CRYL1: variants seen among roughly 807,000 people sequenced by gnomAD.
CRYL1 encodes crystallin lambda 1, also known as lambda-crystallin homolog.
In CRYL1, 29 loss-of-function variants were observed where a neutral mutation model predicts 36.6. The observed-to-expected ratio is 0.79, with a 90% CI of 0.59 to 1.08. CRYL1 has a LOEUF of 1.08. CRYL1 is among the 50% of genes least tolerant of loss of function. CRYL1 has a pLI of 0.00. For missense variants in CRYL1, 411 were observed against 407.9 expected (o/e 1.01, Z -0.06); for synonymous variants, 152 against 151.5 (o/e 1.00, Z -0.02).
intron 3 of CRYL1, among the ~76,000 whole-genome samples, chr13:20,465,365 C>T (rs748858801): frequency 1.4e-4 from 22 of 152,150 alleles, no homozygotes; most frequent in Non-Finnish European, 3.2e-4. Context: ...CTCTGCACAT[C>T]AGAGAAACAA....
chr13:20,463,148 C>A (rs1593461793), intron 3 of CRYL1, among the ~76,000 whole-genome samples: 1 of 152,194 alleles, frequency 6.6e-6, no homozygotes, highest in East Asian at 1.9e-4. Flanking sequence ...CAGAGGAGAC[C>A]TGCGTGTCGC....
intron 4 of CRYL1, among the ~76,000 whole-genome samples, chr13:20,433,004 C>A (rs1390127569): frequency 1.3e-5 from 2 of 152,100 alleles, no homozygotes; most frequent in African/African-American, 4.8e-5. Context: ...GGTGACAGTG[C>A]CAGATCATCT....
At chr13:20,441,600 C>T (rs1439501582) in intron 3 of CRYL1, among the ~76,000 whole-genome samples, 2 of 152,168 alleles carry the variant, frequency 1.3e-5, no homozygotes, top group African/African-American at 4.8e-5. Context: ...GTCATGAATA[C>T]AGTATAAACA....
chr13:20,518,931 G>C (rs1337394432), intron 1 of CRYL1, among the ~76,000 whole-genome samples: 1 of 152,208 alleles, frequency 6.6e-6, no homozygotes, highest in Non-Finnish European at 1.5e-5. Context: ...AACTCTGCTG[G>C]GAAAGACTAG....
At chr13:20,422,496 C>T (rs1411029519) in intron 5 of CRYL1, among the ~76,000 whole-genome samples, 1 of 152,084 alleles carries the variant, frequency 6.6e-6, no homozygotes, top group African/African-American at 2.4e-5. Flanking sequence ...GAAATCATTA[C>T]AAGGTACAAA....
chr13:20,477,879 TATA>T (rs2033196588), intron 3 of CRYL1, among the ~76,000 whole-genome samples: 1 of 58,164 alleles, frequency 1.7e-5, no homozygotes, highest in East Asian at 5.8e-4. Flanking sequence ...TATGATAATA[TATA>T]ATACTATACT....
chr13:20,483,703 C>G (rs988877239), intron 3 of CRYL1, among the ~76,000 whole-genome samples: 3 of 152,058 alleles, frequency 2.0e-5, no homozygotes, highest in Non-Finnish European at 4.4e-5. Context: ...CCATGCCATG[C>G]TAATTTTTTG....
rs1477403458 is a variant in CRYL1 at position 20,427,015 on chromosome 13, G to A, written c.633+5087C>T. ...CCAGCAGGCTGAGAACCTGCCGAGG[G>A]TTGCAGATTCATTCCCAGGCACCTC... On this transcript the variant is annotated intron_variant, in intron 5 of 7. Coordinates refer to ENST00000298248, the MANE Select transcript of CRYL1 (RefSeq NM_015974.3). The A allele has an allele frequency of 5.1e-6, 5 of 985,402 alleles. No homozygotes were observed. The African/African-American group carries it at 7.0e-5, about 14-fold the overall frequency. 61.0% of individuals were successfully genotyped at this position (985,402 alleles called of 1,614,324 possible). A position where few individuals can be genotyped will look rare whatever the true frequency, so the allele number is the denominator to read the frequency against.
intron 3 of CRYL1, among the ~76,000 whole-genome samples, chr13:20,484,699 A>T (rs2033360506): frequency 6.6e-6 from 1 of 152,202 alleles, no homozygotes. Flanking sequence ...AATAAAAACC[A>T]TGATGCAAAA....
Position 20,413,345 on chromosome 13 carries a change from C to T in CRYL1, c.676G>A (p.Glu226Lys). 1.2e-6 allele frequency: 2 copies of T among 1,613,840 alleles called. No individual in the cohort carries two copies. Among genetic ancestry groups the T allele is most frequent in the Non-Finnish European group, 1.7e-6 (2 of 1,179,884 alleles). ...SPSDLDLVMSEGLGMRYAFIG... is the reference protein window; with the variant it reads ...SPSDLDLVMSKGLGMRYAFIG... ...AATGCATACCGCATGCCCAACCCTT[C>T]TGACATGACAAGGTCCAGGTCACTA... The change falls in exon 6 of 8, where the codon GAA becomes AAA. Residue 226 changes from glutamate to lysine, a missense_variant. Coordinates refer to ENST00000298248, the MANE Select transcript of CRYL1 (RefSeq NM_015974.3).
chr13:20,492,064 G>A (rs1293444198), intron 2 of CRYL1, among the ~76,000 whole-genome samples: 1 of 152,168 alleles, frequency 6.6e-6, no homozygotes, highest in Admixed American at 6.5e-5. Flanking sequence ...AAAAGGAAAC[G>A]CAGACATTCA....
At chr13:20,496,957 A>T (rs1371322551) in intron 2 of CRYL1, among the ~76,000 whole-genome samples, 2 of 152,078 alleles carry the variant, frequency 1.3e-5, no homozygotes, top group African/African-American at 4.8e-5. Context: ...GTAGTCAGGT[A>T]AATGATTGAA....
intron 3 of CRYL1, among the ~76,000 whole-genome samples, chr13:20,472,767 C>G (rs149294131): frequency 2.6e-5 from 4 of 152,296 alleles, no homozygotes; most frequent in African/African-American, 9.6e-5. Flanking sequence ...TCGCTCTGCT[C>G]GAACACCTTC....
intron 2 of CRYL1, among the ~76,000 whole-genome samples, chr13:20,502,223 T>C (rs1460229631): frequency 2.6e-5 from 4 of 152,066 alleles, no homozygotes; most frequent in African/African-American, 9.7e-5. Flanking sequence ...GTGAGGCATG[T>C]GAACTTAAAT....
chr13:20,435,302 G>GGCT lies in CRYL1; in HGVS notation c.439-3009_439-3007dup, dbSNP rs2137395873. ...CCTTCTCCAACGAAAAATCTTGAAG[G>GGCT]GCTGCCCAGCGCCCACTGTACAAGG... On this transcript the variant is annotated intron_variant, in intron 4 of 7. Coordinates refer to ENST00000298248, the MANE Select transcript of CRYL1 (RefSeq NM_015974.3). This position sits in a 1 kb window ranked among gnomAD's most constrained non-coding sequence, Gnocchi z 4.0. Among the ~76,000 whole-genome samples, 1 of 152,248 alleles carries GGCT rather than the reference G, an allele frequency of 6.6e-6. No individual in the cohort carries two copies. The highest frequency in any genetic ancestry group is 2.4e-5 in the African/African-American group (1 of 41,540).
At chr13:20,470,910 C>CAAAAAAAAAAAAAAAAAAAA (rs11353451) in intron 3 of CRYL1, among the ~76,000 whole-genome samples, 8 of 40,894 alleles carry the variant, frequency 2.0e-4, no homozygotes, top group African/African-American at 7.0e-4. Context: ...AACTCCATCT[C>CAAAAAAAAAAAAAAAAAAAA]AAAAAAAAAA....
At chr13:20,448,089 C>T (rs1403749708) in intron 3 of CRYL1, among the ~76,000 whole-genome samples, 3 of 152,056 alleles carry the variant, frequency 2.0e-5, no homozygotes, top group South Asian at 2.1e-4. Flanking sequence ...CATGCAACAT[C>T]GTATGGGTAA....
intron 2 of CRYL1, among the ~76,000 whole-genome samples, chr13:20,491,537 T>C (rs542403412): frequency 1.3e-5 from 2 of 152,300 alleles, no homozygotes; most frequent in East Asian, 3.9e-4. Context: ...ACGCCTGTAA[T>C]TCCAGCACTT....
At chr13:20,479,118 T>G (rs550962739) in intron 3 of CRYL1, among the ~76,000 whole-genome samples, 39 of 152,206 alleles carry the variant, frequency 2.6e-4, no homozygotes, top group Middle Eastern at 3.4e-3. Flanking sequence ...TGAGATTCCG[T>G]TTAAGTTTAG....
Sources: gnomAD v4.1 joint callset for allele counts (sites outside exome capture counted in the v4.1 genomes callset) on GRCh38, gnomAD v4.1.1 for gene constraint, Gnocchi (gnomAD v3.1) non-coding constraint, MANE v1.5 for transcripts, NCBI Gene and HGNC (gene_info 2026-07-23, HGNC 2026-07-21) for gene names.